Variants in CADPS2 observed in about 807,000 individuals in gnomAD.
The protein encoded by CADPS2 is calcium-dependent secretion activator 2.
A neutral mutation model predicts 172.5 loss-of-function variants in CADPS2; 93 were observed. The observed-to-expected ratio is 0.54, with a 90% CI of 0.46 to 0.64. CADPS2 has a LOEUF of 0.64. CADPS2 is among the 30% of genes least tolerant of loss of function. The probability of loss-of-function intolerance (pLI) is 0.00; values close to 1 mark genes in which losing one functional copy is unlikely to be tolerated. For synonymous variants in CADPS2, 546 were observed against 555.2 expected, an observed-to-expected ratio of 0.98 and a Z score of 0.23; for missense variants, 1,420 against 1,565.9, an observed-to-expected ratio of 0.91 and a Z score of 1.57.
chr7:122,351,395 A>AAAAAAAAAAAAAAAAAAAAAAAC, intron 27 of CADPS2, among the ~76,000 whole-genome samples: 1 of 148,266 alleles, frequency 6.7e-6, no homozygotes, highest in South Asian at 2.1e-4. Flanking sequence ...AAAAAAAAAA[A>AAAAAAAAAAAAAAAAAAAAAAAC]AAAAAAAATT....
intron 1 of CADPS2, among the ~76,000 whole-genome samples, chr7:122,872,672 C>G (rs1242261166): frequency 2.0e-5 from 3 of 151,910 alleles, no homozygotes; most frequent in Admixed American, 2.0e-4. Context: ...TCTAGAGAAC[C>G]AAATTAAGGC....
At chr7:122,809,790 G>A (rs1799630703) in intron 1 of CADPS2, among the ~76,000 whole-genome samples, 1 of 152,142 alleles carries the variant, frequency 6.6e-6, no homozygotes, top group African/African-American at 2.4e-5. Flanking sequence ...GTTCATGCAA[G>A]TGTCCAGTCC....
chr7:122,867,831 G>C (rs569408748), intron 1 of CADPS2, among the ~76,000 whole-genome samples: 1 of 152,290 alleles, frequency 6.6e-6, no homozygotes, highest in East Asian at 1.9e-4. Flanking sequence ...CAATGAAAGA[G>C]AAAGCACTCC....
chr7:122,624,924 T>G (rs1407202434), intron 4 of CADPS2, among the ~76,000 whole-genome samples: 1 of 152,082 alleles, frequency 6.6e-6, no homozygotes, highest in East Asian at 1.9e-4. Context: ...GGAGAAAAAG[T>G]CTAGAAGGAG....
chr7:122,383,266 G>A (rs1323052969), intron 24 of CADPS2, among the ~76,000 whole-genome samples: 1 of 151,942 alleles, frequency 6.6e-6, no homozygotes, highest in Non-Finnish European at 1.5e-5. Context: ...TCACTTATAA[G>A]TGAGAATTAA....
intron 6 of CADPS2, among the ~76,000 whole-genome samples, chr7:122,594,162 T>C (rs1021188767): frequency 1.3e-5 from 2 of 151,988 alleles, no homozygotes; most frequent in Admixed American, 6.6e-5. Context: ...GAACTGGGTG[T>C]AGCAGCACAC....
At chr7:122,575,103 G>C (rs1002699842) in intron 7 of CADPS2, among the ~76,000 whole-genome samples, 6 of 151,362 alleles carry the variant, frequency 4.0e-5, no homozygotes, top group African/African-American at 1.5e-4. Context: ...TTCTTATTCT[G>C]GATTTTTCTA....
At chr7:122,569,179 A>G (rs1278261068) in intron 7 of CADPS2, among the ~76,000 whole-genome samples, 1 of 152,212 alleles carries the variant, frequency 6.6e-6, no homozygotes, top group African/African-American at 2.4e-5. Flanking sequence ...CAACTTCAGC[A>G]AAGTCTCAGG....
At chr7:122,600,077 A>G (rs1470058824) in intron 6 of CADPS2, among the ~76,000 whole-genome samples, 2 of 152,136 alleles carry the variant, frequency 1.3e-5, no homozygotes, top group Non-Finnish European at 2.9e-5. Flanking sequence ...TTGCTGTTTG[A>G]CAATTACATC....
chr7:122,353,648 G>C (rs1363428619), intron 27 of CADPS2, among the ~76,000 whole-genome samples: 3 of 152,126 alleles, frequency 2.0e-5, no homozygotes, highest in Non-Finnish European at 4.4e-5. Flanking sequence ...AAAATGTCCT[G>C]TTTAACTAGA....
At chr7:122,706,612 T>C (rs904692513) in intron 2 of CADPS2, among the ~76,000 whole-genome samples, 3 of 145,848 alleles carry the variant, frequency 2.1e-5, no homozygotes, top group Admixed American at 1.4e-4. Flanking sequence ...ACTTAAGAGA[T>C]AGGTTGTGTG....
At chr7:122,732,787 TATATATAC>T (rs982267045) in intron 2 of CADPS2, among the ~76,000 whole-genome samples, 2 of 142,910 alleles carry the variant, frequency 1.4e-5, no homozygotes, top group Non-Finnish European at 3.0e-5. Flanking sequence ...ATGTATATAA[TATATATAC>T]ATTATATATT....
intron 14 of CADPS2, among the ~76,000 whole-genome samples, chr7:122,466,308 G>C (rs779763132): frequency 6.6e-6 from 1 of 152,178 alleles, no homozygotes; most frequent in African/African-American, 2.4e-5. Context: ...AATTAATTAG[G>C]TGGCCTTAGC....
rs535102436 is a variant in CADPS2 at position 122,448,597 on chromosome 7, T to C, written c.2288+2777A>G. ...ACGTGGACATCCCTGTCCACTACTA[T>C]GTAGTTGTAGTTTTTGGGTGGTAGT... On this transcript the variant is annotated intron_variant, in intron 15 of 29. Transcript: ENST00000449022. Among the ~76,000 whole-genome samples the C allele has an allele frequency of 2.6e-5, 4 of 152,272 alleles. No individual in the cohort carries two copies. The South Asian group carries it at 8.3e-4, about 32-fold the overall frequency.
At chr7:122,488,068 G>A (rs1180472760) in intron 11 of CADPS2, among the ~76,000 whole-genome samples, 1 of 152,174 alleles carries the variant, frequency 6.6e-6, no homozygotes, top group Non-Finnish European at 1.5e-5. Context: ...TAGCTTATAG[G>A]GGAAGGGACA....
intron 6 of CADPS2, among the ~76,000 whole-genome samples, chr7:122,593,808 A>T (rs1284589825): frequency 1.3e-5 from 2 of 152,018 alleles, no homozygotes; most frequent in Non-Finnish European, 2.9e-5. Flanking sequence ...AAAAGAAGCC[A>T]TGTGAGAATC....
chr7:122,801,978 T>A (rs1418303813), intron 1 of CADPS2, among the ~76,000 whole-genome samples: 2 of 152,116 alleles, frequency 1.3e-5, no homozygotes, highest in East Asian at 3.8e-4. Flanking sequence ...TAAAAAGTAT[T>A]ACTTAAAAAT....
At chr7:122,433,810 G>A (rs1563327147) in intron 17 of CADPS2, among the ~76,000 whole-genome samples, 1 of 152,188 alleles carries the variant, frequency 6.6e-6, no homozygotes, top group Non-Finnish European at 1.5e-5. Flanking sequence ...TCACTGTGAG[G>A]AGAAGATTTC....
rs915213851 is a variant in CADPS2, at chr7:122,488,282, A to G, written c.1852+1799T>C. On this transcript the variant is annotated intron_variant, in intron 11 of 29. Transcript: ENST00000449022. The stretch of plus-strand genomic sequence containing the variant: ...AAAAAGTTCTACCCGGGGTTGAGGG[A>G]GTCTTATACTTTGATGCCCAATGCA... 3.3e-5 allele frequency among the ~76,000 whole-genome samples: 5 copies of G among 152,170 alleles called. 1 individual carries two copies. The highest frequency in any genetic ancestry group is 9.7e-5 in the African/African-American group (4 of 41,444).
Sources: allele counts gnomAD v4.1 joint callset (sites outside exome capture counted in the v4.1 genomes callset), GRCh38; gene constraint gnomAD v4.1.1; transcripts MANE v1.5; gene names NCBI Gene and HGNC (gene_info 2026-07-23, HGNC 2026-07-21).